Variants in JPH3 observed in about 807,000 individuals in gnomAD.
JPH3 encodes junctophilin-3.
In JPH3, 11 loss-of-function variants were observed where a neutral mutation model predicts 59.6. The ratio of observed to expected loss-of-function variants is 0.18; its 90% CI spans 0.12 to 0.31. JPH3 has a LOEUF of 0.31. JPH3 is among the 10% of genes least tolerant of loss of function. The pLI, the probability that JPH3 is intolerant of heterozygous loss-of-function variation, is 1.00. For missense variants in JPH3, 1,202 were observed against 1,105.7 expected, an observed-to-expected ratio of 1.09 and a Z score of -1.24; for synonymous variants, 673 against 483.6, an observed-to-expected ratio of 1.39 and a Z score of -5.14.
chr16:87,620,488 A>AGAGGAGAGAAGAGAGG (rs2031143498), intron 1 of JPH3, among the ~76,000 whole-genome samples: 1 of 99,906 alleles, frequency 1.0e-5, no homozygotes, highest in Non-Finnish European at 2.0e-5. Flanking sequence ...GAAGAGAGGG[A>AGAGGAGAGAAGAGAGG]GAGGGGGAGG....
intron 4 of JPH3, chr16:87,696,191 C>G (rs572369499): frequency 4.4e-6 from 2 of 452,734 alleles, no homozygotes; most frequent in South Asian, 3.2e-5. Flanking sequence ...TTCTGAGGTC[C>G]CAGTTCCACA....
At chr16:87,619,379 G>A (rs2031088713) in intron 1 of JPH3, among the ~76,000 whole-genome samples, 1 of 151,864 alleles carries the variant, frequency 6.6e-6, no homozygotes, top group African/African-American at 2.4e-5. Context: ...TTCGTAGGCT[G>A]TAGACACCAC....
Position 87,696,906 on chromosome 16 carries a change from C to A in JPH3, c.*246C>A. On this transcript the variant is annotated 3_prime_UTR_variant, in exon 5 of 5. Transcript: ENST00000284262. ...TGCTGTGTGGCATGGCAGAAGGAGGCCAGCACGCAGCCCCTCCAGCTCCAC... is the reference window on the plus strand; with the variant it reads ...TGCTGTGTGGCATGGCAGAAGGAGGACAGCACGCAGCCCCTCCAGCTCCAC... 2.1e-6 allele frequency: 1 copy of A among 484,620 alleles called. No homozygotes were observed. The highest frequency in any genetic ancestry group is 2.1e-5 in the South Asian group (1 of 47,400). The allele number at this position is 484,620 out of a possible 1,614,324, so 30.0% of individuals were successfully genotyped here.
intron 2 of JPH3, among the ~76,000 whole-genome samples, chr16:87,667,096 G>T (rs1403311963): frequency 6.6e-6 from 1 of 152,206 alleles, no homozygotes; most frequent in Admixed American, 6.5e-5. Context: ...GGTCCCTTCC[G>T]GCTTCTGGGG....
chr16:87,604,097 A>C lies in JPH3; in HGVS notation c.382+569A>C, dbSNP rs2030385475. ...AGGCAGTACACTTCTAGGTGGTTGG[A>C]CGCGGACTAGCGCTGTCGAAGCAGG... is the stretch of plus-strand genomic sequence containing the variant. On this transcript the variant is annotated intron_variant, in intron 1 of 4. Coordinates refer to ENST00000284262, the MANE Select transcript of JPH3 (RefSeq NM_020655.4). The C allele has an allele frequency of 1.8e-5, 23 of 1,309,920 alleles. 1 individual carries two copies. The highest frequency in any genetic ancestry group is 2.2e-5 in the Non-Finnish European group (22 of 1,014,416). The allele number at this position is 1,309,920 out of a possible 1,614,324, so 81.1% of individuals were successfully genotyped here. A position where few individuals can be genotyped will look rare whatever the true frequency, so the allele number is the denominator to read the frequency against.
At position 87,696,325 on chromosome 16, in the gene JPH3, A is replaced by ACAAGGGAATTC. The variant is rs1034007721; in HGVS notation, c.2167-241_2167-231dup. On this transcript the variant is annotated intron_variant, in intron 4 of 4. Coordinates refer to ENST00000284262, the MANE Select transcript of JPH3 (RefSeq NM_020655.4). ...AGCTGGTACTCAGGGTGTCGGGGCC[A>ACAAGGGAATTC]CAAGGGAATTCCAAGGGAATTCCAG... Among the ~76,000 whole-genome samples the ACAAGGGAATTC allele has an allele frequency of 9.2e-5, 14 of 152,158 alleles. No homozygotes were observed. In the East Asian group the frequency reaches 1.9e-3, roughly 21 times the overall value.
chr16:87,696,815 G>C lies in JPH3; in HGVS notation c.*155G>C. 1 of 654,448 alleles carries C rather than the reference G, an allele frequency of 1.5e-6. No individual in the cohort carries two copies. Among genetic ancestry groups the C allele is most frequent in the Non-Finnish European group, 2.7e-6 (1 of 373,218 alleles). 40.5% of individuals were successfully genotyped at this position (654,448 alleles called of 1,614,324 possible). A position where few individuals can be genotyped will look rare whatever the true frequency, so the allele number is the denominator to read the frequency against. On this transcript the variant is annotated 3_prime_UTR_variant, in exon 5 of 5. Transcript: ENST00000284262. The stretch of plus-strand genomic sequence containing the variant: ...ACCACACGATTGGGTATCACTCACA[G>C]TTTGCCTTTTTTTCTGGGTAATGTT...
intron 2 of JPH3, among the ~76,000 whole-genome samples, chr16:87,669,974 G>T (rs951818009): frequency 5.9e-5 from 9 of 152,184 alleles, no homozygotes; most frequent in African/African-American, 2.2e-4. Context: ...TCCAGCCGTG[G>T]GGGCGGGGGT....
intron 1 of JPH3, among the ~76,000 whole-genome samples, chr16:87,637,966 G>C (rs113983401): frequency 0.034 from 5,108 of 152,208 alleles, 111 homozygotes; most frequent in South Asian, 0.054. Context: ...GCCCAGACTG[G>C]AGTGCAGTGG....
chr16:87,640,129 C>A (rs1385745602), intron 1 of JPH3, among the ~76,000 whole-genome samples: 1 of 152,058 alleles, frequency 6.6e-6, no homozygotes. Flanking sequence ...GAGATTGAGA[C>A]CATCCTGGCC....
At chr16:87,692,230 C>CGTCTCCCTCCCG (rs2033608956) in intron 4 of JPH3, among the ~76,000 whole-genome samples, 2 of 151,934 alleles carry the variant, frequency 1.3e-5, no homozygotes, top group South Asian at 4.2e-4. Flanking sequence ...TCTCCCTCCC[C>CGTCTCCCTCCCG]ACAGCTTTGG....
chr16:87,684,334 C>T, intron 3 of JPH3, 68 bp downstream of exon 3: 1 of 1,579,138 alleles, frequency 6.3e-7, no homozygotes, highest in Non-Finnish European at 8.6e-7. Flanking sequence ...GCAGTCCTGG[C>T]AGCAGATGTG....
At chr16:87,637,008 C>T (rs2031772706) in intron 1 of JPH3, among the ~76,000 whole-genome samples, 1 of 152,222 alleles carries the variant, frequency 6.6e-6, no homozygotes, top group South Asian at 2.1e-4. Flanking sequence ...GGGGGTCAGG[C>T]CTCCACAAGG....
intron 1 of JPH3, among the ~76,000 whole-genome samples, chr16:87,605,324 A>C (rs1013682975): frequency 2.6e-5 from 4 of 152,138 alleles, no homozygotes; most frequent in Non-Finnish European, 4.4e-5. Context: ...CTGAGGAATC[A>C]TTTCTTTCAT....
intron 2 of JPH3, among the ~76,000 whole-genome samples, chr16:87,655,808 C>G (rs910847458): frequency 2.0e-5 from 3 of 152,262 alleles, no homozygotes; most frequent in Non-Finnish European, 4.4e-5. Context: ...GTCCCTGCGT[C>G]TGCTCTGCCC....
At chr16:87,624,934 G>A (rs2031315645) in intron 1 of JPH3, among the ~76,000 whole-genome samples, 1 of 152,158 alleles carries the variant, frequency 6.6e-6, no homozygotes, top group African/African-American at 2.4e-5. Context: ...GAAGTAGCTG[G>A]GATTATAGGC....
At chr16:87,632,755 T>G (rs2031605194) in intron 1 of JPH3, among the ~76,000 whole-genome samples, 1 of 152,156 alleles carries the variant, frequency 6.6e-6, no homozygotes, top group Non-Finnish European at 1.5e-5. Flanking sequence ...TAGCCGGGCA[T>G]GGAGGTGTGC....
At chr16:87,605,700 A>G (rs896242435) in intron 1 of JPH3, among the ~76,000 whole-genome samples, 4 of 152,092 alleles carry the variant, frequency 2.6e-5, no homozygotes, top group Admixed American at 2.6e-4. Flanking sequence ...CTGCCTGATC[A>G]TGTCCATTCT....
intron 1 of JPH3, among the ~76,000 whole-genome samples, chr16:87,635,064 G>T (rs1480456551): frequency 6.6e-6 from 1 of 152,224 alleles, no homozygotes; most frequent in Non-Finnish European, 1.5e-5. Context: ...AGTAGTGGGA[G>T]CCTGGGTGGG....
Sources: gnomAD v4.1 joint callset for allele counts (sites outside exome capture counted in the v4.1 genomes callset) on GRCh38, gnomAD v4.1.1 for gene constraint, MANE v1.5 for transcripts, NCBI Gene and HGNC (gene_info 2026-07-23, HGNC 2026-07-21) for gene names.